The following CELF2 variants were observed in gnomAD, a reference collection of about 807,000 sequenced individuals.
CELF2 encodes the protein CUG triplet repeat RNA-binding protein 2.
CELF2 carries 8 observed loss-of-function variants against 62.6 expected under a neutral mutation model. The ratio of observed to expected loss-of-function variants is 0.13; its 90% CI spans 0.07 to 0.23. The LOEUF (loss-of-function observed/expected upper bound fraction) is 0.23, where lower values mean the gene tolerates loss of function less well. Ranked by LOEUF, CELF2 falls within the 10% of genes least tolerant of loss-of-function variation. The pLI is 1.00. For missense variants in CELF2, 333 were observed against 671.0 expected, an observed-to-expected ratio of 0.50 and a Z score of 5.56; for synonymous variants, 258 against 250.0, an observed-to-expected ratio of 1.03 and a Z score of -0.30.
At chr10:11,142,378 G>A (rs1008757920) in intron 1 of CELF2, among the ~76,000 whole-genome samples, 4 of 151,812 alleles carry the variant, frequency 2.6e-5, no homozygotes, top group Non-Finnish European at 5.9e-5. Flanking sequence ...TTGGAGTGAC[G>A]ATTAAAAGTG....
upstream of CELF2, among the ~76,000 whole-genome samples, chr10:10,794,010 G>C (rs2131383987): frequency 6.6e-6 from 1 of 152,122 alleles, no homozygotes; most frequent in Non-Finnish European, 1.5e-5. Flanking sequence ...CCCATGCAAT[G>C]GTTAGGGCCA....
At chr10:10,534,923 T>C in the CELF2 span, among the ~76,000 whole-genome samples, 1 of 152,198 alleles carries the variant, frequency 6.6e-6, no homozygotes, top group Admixed American at 6.5e-5. Flanking sequence ...GTTAAATCTG[T>C]CTATGCAAAT....
At chr10:10,751,848 A>G in the CELF2 span, among the ~76,000 whole-genome samples, 1 of 152,216 alleles carries the variant, frequency 6.6e-6, no homozygotes, top group Non-Finnish European at 1.5e-5. Context: ...TAATTGAGAA[A>G]TTAAACAATC....
intron 2 of CELF2, among the ~76,000 whole-genome samples, chr10:11,196,547 G>A (rs1313025260): frequency 6.6e-6 from 1 of 152,064 alleles, no homozygotes; most frequent in African/African-American, 2.4e-5. Flanking sequence ...CATGCCGGTG[G>A]TCCCAGCTAC....
intron 3 of CELF2, among the ~76,000 whole-genome samples, chr10:11,219,854 A>G (rs953058866): frequency 1.3e-5 from 2 of 152,246 alleles, no homozygotes; most frequent in Non-Finnish European, 2.9e-5. Context: ...CAACATTTCC[A>G]TAATTCTAAA....
intron 2 of CELF2, among the ~76,000 whole-genome samples, chr10:10,951,094 A>G (rs1169321054): frequency 6.6e-6 from 1 of 152,256 alleles, no homozygotes; most frequent in African/African-American, 2.4e-5. Flanking sequence ...ACCAGTTACC[A>G]AAGCCATCAG....
At position 11,270,247 on chromosome 10, in the gene CELF2, T is replaced by TC. The variant is rs147011477; in HGVS notation, c.619-415dup. 0.013 allele frequency among the ~76,000 whole-genome samples: 2,017 copies of TC among 152,264 alleles called. 40 individuals carry two copies. Among genetic ancestry groups the TC allele is most frequent in the African/African-American group, 0.046 (1,899 of 41,518 alleles). ...ACATGGCCATTCCCGTTACAGATTC[T>TC]CCCCTTTGTCCTCTGTCCACCTGTG... On this transcript the variant is annotated intron_variant, in intron 6 of 12. Coordinates refer to ENST00000633077, the MANE Select transcript of CELF2 (RefSeq NM_001326342.2). This position sits in a 1 kb window ranked among gnomAD's most constrained non-coding sequence, Gnocchi z 5.8.
chr10:10,997,632 A>T lies in CELF2; in HGVS notation c.89+77633A>T, dbSNP rs1564333892. Among the ~76,000 whole-genome samples the T allele has an allele frequency of 1.3e-5, 2 of 152,208 alleles. No homozygotes were observed. Among genetic ancestry groups the T allele is most frequent in the South Asian group, 2.1e-4 (1 of 4,828 alleles). On this transcript the variant is annotated intron_variant, in intron 2 of 13. Coordinates refer to the CELF2 transcript ENST00000636488. This position sits in a 1 kb window ranked among gnomAD's most constrained non-coding sequence, Gnocchi z 5.3. ...TGGCACTTTGAGCAGGAAGAAAGGG[A>T]GTTGCTTGTGCCTTTGCTTCCTCTA...
intron 1 of CELF2, among the ~76,000 whole-genome samples, chr10:10,857,649 G>GTATATATATATA (rs779543257): frequency 0.017 from 1,576 of 93,886 alleles, 30 homozygotes; most frequent in South Asian, 0.029. Context: ...CATATATATA[G>GTATATATATATA]TATATATATA....
At chr10:11,313,109 T>A (rs1433921074) in intron 9 of CELF2, among the ~76,000 whole-genome samples, 3 of 152,056 alleles carry the variant, frequency 2.0e-5, no homozygotes, top group Admixed American at 1.3e-4. Flanking sequence ...GCAAAAGATA[T>A]CCAATGCAAA....
rs117277105 is a variant in CELF2, at chr10:11,095,306, C to T, written c.75-70180C>T. ...TTGTGACTTCATTAGAATGAGCATC[C>T]TTGCATTTGGGTGGAAGTAGTGTGG... is the stretch of plus-strand genomic sequence containing the variant. On this transcript the variant is annotated intron_variant, in intron 1 of 12. Transcript: ENST00000633077. Among the ~76,000 whole-genome samples the T allele has an allele frequency of 5.8e-3, 879 of 152,220 alleles. 4 individuals carry two copies. The highest frequency in any genetic ancestry group is 9.6e-3 in the Non-Finnish European group (653 of 68,006).
At chr10:10,496,992 T>C in the CELF2 span, among the ~76,000 whole-genome samples, 1 of 151,816 alleles carries the variant, frequency 6.6e-6, no homozygotes, top group African/African-American at 2.4e-5. Context: ...GAGTTTGAGA[T>C]CAGCCTGGAT....
chr10:11,144,472 A>T (rs896522357), intron 1 of CELF2, among the ~76,000 whole-genome samples: 1 of 152,164 alleles, frequency 6.6e-6, no homozygotes, highest in African/African-American at 2.4e-5. Flanking sequence ...GTGCTTATTT[A>T]ACTTGGCTCT....
At chr10:10,630,477 G>T in the CELF2 span, among the ~76,000 whole-genome samples, 1 of 152,122 alleles carries the variant, frequency 6.6e-6, no homozygotes, top group South Asian at 2.1e-4. Flanking sequence ...TCCCCTCACT[G>T]CAGAAAGAGG....
chr10:11,076,430 G>A (rs1471044122), intron 1 of CELF2, among the ~76,000 whole-genome samples: 1 of 152,172 alleles, frequency 6.6e-6, no homozygotes, highest in African/African-American at 2.4e-5. Context: ...AGGTAAATGT[G>A]GCCTGAGGGC....
At chr10:10,702,745 C>T in the CELF2 span, among the ~76,000 whole-genome samples, 24 of 152,134 alleles carry the variant, frequency 1.6e-4, no homozygotes, top group African/African-American at 5.3e-4. Flanking sequence ...TCACTAGGCC[C>T]AGCTAATTTT....
chr10:11,016,917 T>G (rs1216836303), upstream of CELF2, among the ~76,000 whole-genome samples: 1 of 152,226 alleles, frequency 6.6e-6, no homozygotes. The surrounding 1 kb of genome is among the most constrained non-coding windows in gnomAD (Gnocchi z 5.2). Flanking sequence ...ACTATAAACT[T>G]TTGGTACGCA....
At chr10:10,564,296 A>T in the CELF2 span, among the ~76,000 whole-genome samples, 1 of 152,184 alleles carries the variant, frequency 6.6e-6, no homozygotes, top group African/African-American at 2.4e-5. Flanking sequence ...CAGCTCAGAA[A>T]TGCATCAGCA....
chr10:11,045,347 C>T (rs1280058122), intron 1 of CELF2, among the ~76,000 whole-genome samples: 1 of 152,150 alleles, frequency 6.6e-6, no homozygotes, highest in Non-Finnish European at 1.5e-5. Context: ...AAGCAGTCCT[C>T]CCACTTCAAA....
Sources: gnomAD v4.1 joint callset for allele counts (sites outside exome capture counted in the v4.1 genomes callset) on GRCh38, gnomAD v4.1.1 for gene constraint, Gnocchi (gnomAD v3.1) non-coding constraint, MANE v1.5 for transcripts, NCBI Gene and HGNC (gene_info 2026-07-23, HGNC 2026-07-21) for gene names.